KHDRBS2: variants seen among roughly 807,000 people sequenced by gnomAD.
KHDRBS2 encodes the protein KH RNA binding domain containing, signal transduction associated 2, also known as KH domain-containing, RNA-binding, signal transduction-associated protein 2.
In KHDRBS2, 26 loss-of-function variants were observed where a neutral mutation model predicts 44.3. The ratio of observed to expected loss-of-function variants is 0.59; its 90% CI spans 0.43 to 0.81. The LOEUF (loss-of-function observed/expected upper bound fraction) is 0.81, where lower values mean the gene tolerates loss of function less well. Ranked by LOEUF, KHDRBS2 falls within the 40% of genes least tolerant of loss-of-function variation. The probability of loss-of-function intolerance (pLI) is 0.00; values close to 1 mark genes in which losing one functional copy is unlikely to be tolerated. For synonymous variants in KHDRBS2, 194 were observed against 151.1 expected, an observed-to-expected ratio of 1.28 and a Z score of -2.08; for missense variants, 476 against 433.1, an observed-to-expected ratio of 1.10 and a Z score of -0.88.
intron 1 of KHDRBS2, among the ~76,000 whole-genome samples, chr6:62,281,497 G>T (rs1841794925): frequency 6.6e-6 from 1 of 152,042 alleles, no homozygotes; most frequent in Non-Finnish European, 1.5e-5. Context: ...GCACGCACCT[G>T]TAATCCCAGC....
chr6:62,068,080 G>T (rs1232872961), intron 2 of KHDRBS2, among the ~76,000 whole-genome samples: 1 of 151,470 alleles, frequency 6.6e-6, no homozygotes, highest in Non-Finnish European at 1.5e-5. Flanking sequence ...GATTATATGG[G>T]AATTCTAAGT....
the KHDRBS2 span, among the ~76,000 whole-genome samples, chr6:61,648,909 T>TCTATGCTAAGTATTTCCATCC: frequency 6.6e-6 from 1 of 152,124 alleles, no homozygotes; most frequent in Non-Finnish European, 1.5e-5. Flanking sequence ...TAATTTCATC[T>TCTATGCTAAGTATTTCCATCC]CTATGCTAAG....
At chr6:61,637,084 C>T in the KHDRBS2 span, among the ~76,000 whole-genome samples, 2 of 151,966 alleles carry the variant, frequency 1.3e-5, no homozygotes, top group East Asian at 1.9e-4. Flanking sequence ...GCACAATGTG[C>T]AGGTTTGTTA....
At chr6:61,880,381 T>A (rs1352323862) in intron 6 of KHDRBS2, among the ~76,000 whole-genome samples, 2 of 151,942 alleles carry the variant, frequency 1.3e-5, no homozygotes, top group Non-Finnish European at 2.9e-5. Flanking sequence ...TTGGTAGATT[T>A]ATTTTAGGGG....
At chr6:61,995,081 G>C (rs963302154) in intron 3 of KHDRBS2, among the ~76,000 whole-genome samples, 1 of 151,948 alleles carries the variant, frequency 6.6e-6, no homozygotes, top group East Asian at 1.9e-4. Context: ...CACAATAAAG[G>C]GTTCATTTTT....
At chr6:62,253,185 T>A (rs1836822124) in intron 1 of KHDRBS2, among the ~76,000 whole-genome samples, 3 of 152,062 alleles carry the variant, frequency 2.0e-5, no homozygotes, top group African/African-American at 7.2e-5. Context: ...CCAGTGAGTA[T>A]CTTTTATTTC....
At chr6:61,712,562 A>C (rs1287858657) in intron 7 of KHDRBS2, among the ~76,000 whole-genome samples, 2 of 151,906 alleles carry the variant, frequency 1.3e-5, no homozygotes, top group Non-Finnish European at 1.5e-5. Context: ...CAGAGAGTCC[A>C]TCTTTGGAAC....
At chr6:62,262,612 C>T (rs1168336113) in intron 1 of KHDRBS2, among the ~76,000 whole-genome samples, 1 of 151,696 alleles carries the variant, frequency 6.6e-6, no homozygotes, top group African/African-American at 2.4e-5. Flanking sequence ...AATCAAATCT[C>T]AGCTGGAATC....
At chr6:62,159,044 A>G (rs1817055717) in intron 2 of KHDRBS2, among the ~76,000 whole-genome samples, 1 of 151,982 alleles carries the variant, frequency 6.6e-6, no homozygotes. Context: ...TCCAAAAAAT[A>G]TATCTTGAAT....
the KHDRBS2 span, among the ~76,000 whole-genome samples, chr6:61,622,356 ATC>A: frequency 9.9e-5 from 15 of 152,148 alleles, no homozygotes; most frequent in African/African-American, 3.1e-4. Flanking sequence ...CCAGCATTAA[ATC>A]TCAGCATAAC....
intron 6 of KHDRBS2, among the ~76,000 whole-genome samples, chr6:61,868,161 A>T (rs1798058623): frequency 6.6e-6 from 1 of 151,652 alleles, no homozygotes; most frequent in Admixed American, 6.6e-5. Flanking sequence ...GGCTGGGAGG[A>T]CCCACCCAGG....
At chr6:61,586,182 G>T in the KHDRBS2 span, among the ~76,000 whole-genome samples, 1 of 152,082 alleles carries the variant, frequency 6.6e-6, no homozygotes, top group Non-Finnish European at 1.5e-5. Flanking sequence ...TTGGGCATTT[G>T]TTACTTACAA....
At chr6:61,676,572 G>C (rs1765957976), downstream of KHDRBS2, among the ~76,000 whole-genome samples, 1 of 151,868 alleles carries the variant, frequency 6.6e-6, no homozygotes, top group South Asian at 2.1e-4. Flanking sequence ...TGAAGCTACT[G>C]CATCCTCCCT....
intron 4 of KHDRBS2, among the ~76,000 whole-genome samples, chr6:61,917,402 A>G (rs1337234306): frequency 6.6e-6 from 1 of 151,988 alleles, no homozygotes; most frequent in Non-Finnish European, 1.5e-5. Context: ...CTGAAAGGTC[A>G]CATACTATAT....
the KHDRBS2 span, among the ~76,000 whole-genome samples, chr6:61,550,447 C>T: frequency 2.2e-4 from 34 of 152,112 alleles, no homozygotes; most frequent in Admixed American, 2.2e-3. Context: ...AATTTATGGA[C>T]ATTTAGACTG....
intron 7 of KHDRBS2, among the ~76,000 whole-genome samples, chr6:61,719,857 C>T (rs1179470996): frequency 2.6e-5 from 4 of 151,850 alleles, no homozygotes; most frequent in Non-Finnish European, 5.9e-5. Flanking sequence ...ATACATGTGC[C>T]ATGTTGGTGT....
At chr6:62,207,467 A>G (rs1242489016) in intron 1 of KHDRBS2, among the ~76,000 whole-genome samples, 1 of 152,118 alleles carries the variant, frequency 6.6e-6, no homozygotes, top group Non-Finnish European at 1.5e-5. Context: ...CCTGATACCT[A>G]CTTAGCCCTG....
intron 5 of KHDRBS2, among the ~76,000 whole-genome samples, chr6:61,898,134 C>A (rs1476164903): frequency 3.3e-5 from 5 of 151,928 alleles, no homozygotes; most frequent in South Asian, 2.1e-4. Flanking sequence ...TTCTAGACAT[C>A]ATCTTTTTGA....
chr6:61,740,076 C>A (rs1241291224), intron 6 of KHDRBS2, among the ~76,000 whole-genome samples: 3 of 151,668 alleles, frequency 2.0e-5, no homozygotes, highest in African/African-American at 7.3e-5. Flanking sequence ...AATTGAGATA[C>A]CAAAGAAAGC....
Sources: gnomAD v4.1 joint callset for allele counts (sites outside exome capture counted in the v4.1 genomes callset) on GRCh38, gnomAD v4.1.1 for gene constraint, MANE v1.5 for transcripts, NCBI Gene and HGNC (gene_info 2026-07-23, HGNC 2026-07-21) for gene names.